The following TCF12 variants were observed in gnomAD, a reference collection of about 807,000 sequenced individuals.
The protein encoded by TCF12 is transcription factor 12.
TCF12 carries 45 observed loss-of-function variants against 86.0 expected under a neutral mutation model. The observed-to-expected ratio is 0.52, with a 90% CI of 0.41 to 0.67. TCF12 has a LOEUF of 0.67. Ranked by LOEUF, TCF12 falls within the 30% of genes least tolerant of loss-of-function variation. The pLI is 0.00. For missense variants in TCF12, 881 were observed against 859.9 expected (o/e 1.02, Z -0.31); for synonymous variants, 330 against 299.6 (o/e 1.10, Z -1.05).
intron 3 of TCF12, among the ~76,000 whole-genome samples, chr15:57,024,778 T>G (rs909998590): frequency 6.6e-6 from 1 of 152,174 alleles, no homozygotes; most frequent in Non-Finnish European, 1.5e-5. Context: ...TTTTATTACA[T>G]TAGCTCCACA....
intron 6 of TCF12, among the ~76,000 whole-genome samples, chr15:57,176,067 T>C (rs192444622): frequency 6.6e-6 from 1 of 152,306 alleles, no homozygotes; most frequent in African/African-American, 2.4e-5. Flanking sequence ...GGCATGGTGT[T>C]GCATGCCTGT....
At chr15:57,021,946 T>G (rs189928695) in intron 3 of TCF12, among the ~76,000 whole-genome samples, 619 of 152,258 alleles carry the variant, frequency 4.1e-3, no homozygotes, top group Non-Finnish European at 6.4e-3. Context: ...ATTTTGTGGG[T>G]TTGACCTATA....
At chr15:56,919,566 G>C (rs1021153960) in intron 1 of TCF12, 3 of 189,244 alleles carry the variant, frequency 1.6e-5, no homozygotes, top group South Asian at 1.6e-4. Flanking sequence ...CGGGCCCGGC[G>C]CGCGGAGCAC....
chr15:56,919,157 C>T (rs937208117), intron 1 of TCF12: 5 of 151,586 alleles, frequency 3.3e-5, no homozygotes, highest in African/African-American at 1.2e-4. Context: ...CGACTCGGGC[C>T]GGCGCCCAGG....
At chr15:57,253,197 G>A (rs2060197570) in intron 15 of TCF12, 65 bp from the exon 16 acceptor site, 5 of 1,554,346 alleles carry the variant, frequency 3.2e-6, no homozygotes, top group Middle Eastern at 1.7e-4. Context: ...AGTAGGAAAC[G>A]TAGCAGTTAA....
chr15:57,150,006 C>T (rs1293114496), intron 5 of TCF12, among the ~76,000 whole-genome samples: 1 of 152,090 alleles, frequency 6.6e-6, no homozygotes, highest in African/African-American at 2.4e-5. Context: ...GTAGGCACTC[C>T]ATGAGAGCAG....
At chr15:57,276,459 A>G (rs1388134794) in intron 19 of TCF12, among the ~76,000 whole-genome samples, 1 of 152,230 alleles carries the variant, frequency 6.6e-6, no homozygotes, top group Non-Finnish European at 1.5e-5. Context: ...CGAAAGCTGC[A>G]TGTAGGATAG....
chr15:57,133,006 T>C (rs1186535224), intron 5 of TCF12, among the ~76,000 whole-genome samples: 2 of 152,234 alleles, frequency 1.3e-5, no homozygotes, highest in Admixed American at 6.5e-5. Flanking sequence ...CATGGTCACC[T>C]AATTTTTATT....
intron 16 of TCF12, among the ~76,000 whole-genome samples, chr15:57,260,592 TAC>T (rs1226482480): frequency 1.3e-5 from 2 of 152,162 alleles, no homozygotes; most frequent in Non-Finnish European, 2.9e-5. Flanking sequence ...TAAATACAAA[TAC>T]ACCTCAGCTT....
At chr15:56,966,684 T>C (rs2140663715) in intron 3 of TCF12, among the ~76,000 whole-genome samples, 1 of 152,360 alleles carries the variant, frequency 6.6e-6, no homozygotes. Flanking sequence ...ACACTTTCAC[T>C]TATTTTTTTT....
intron 19 of TCF12, among the ~76,000 whole-genome samples, chr15:57,276,541 C>G (rs565191652): frequency 1.3e-5 from 2 of 152,266 alleles, no homozygotes; most frequent in South Asian, 2.1e-4. Context: ...GTGGTAAGAT[C>G]TAATCTTGTG....
chr15:57,104,180 A>G (rs1295250817), intron 5 of TCF12, among the ~76,000 whole-genome samples: 1 of 152,124 alleles, frequency 6.6e-6, no homozygotes, highest in Non-Finnish European at 1.5e-5. Context: ...ATCAGGAGAG[A>G]CACCGTATAT....
intron 6 of TCF12, among the ~76,000 whole-genome samples, chr15:57,181,591 C>G (rs191793745): frequency 3.9e-4 from 59 of 152,250 alleles, no homozygotes; most frequent in Admixed American, 1.7e-3. Flanking sequence ...CTACTTTATT[C>G]CTTTCATTTA....
At position 57,252,496 on chromosome 15, in the gene TCF12, C is replaced by T. The variant is rs781776814; in HGVS notation, c.1260+4C>T. On this transcript the variant is annotated splice_donor_region_variant and intron_variant, in intron 15 of 20. Transcript: ENST00000333725. ...CTTCTTAAAGGATGTCTGTGAGGTA[C>T]TATTTCTTTTAGATGGTGCCTTTTT... 6.2e-7 allele frequency: 1 copy of T among 1,612,770 alleles called. No individual in the cohort carries two copies. Among genetic ancestry groups the T allele is most frequent in the Non-Finnish European group, 8.5e-7 (1 of 1,179,028 alleles).
At chr15:57,036,711 G>A (rs1429833317) in intron 3 of TCF12, among the ~76,000 whole-genome samples, 5 of 152,050 alleles carry the variant, frequency 3.3e-5, no homozygotes, top group African/African-American at 9.7e-5. Flanking sequence ...AAAAATTACT[G>A]AGTTATATTT....
At chr15:56,918,348 GGCGCCACGGT>G (rs1567097481), upstream of TCF12, 1 of 438,864 alleles carries the variant, frequency 2.3e-6, no homozygotes, top group Admixed American at 2.4e-5. Context: ...AACGCGAGGA[GGCGCCACGGT>G]ACCTGCCACC....
intron 5 of TCF12, among the ~76,000 whole-genome samples, chr15:57,141,961 A>C (rs960777448): frequency 6.6e-6 from 1 of 152,162 alleles, no homozygotes; most frequent in African/African-American, 2.4e-5. Flanking sequence ...CACAAACGGG[A>C]GGAATAGTTT....
chr15:57,027,199 C>T lies in TCF12; in HGVS notation c.149-36551C>T, dbSNP rs546488620. Among the ~76,000 whole-genome samples, 41 of 152,234 alleles carry T rather than the reference C, an allele frequency of 2.7e-4. 1 individual carries two copies. The highest frequency in any genetic ancestry group is 1.2e-3 in the Admixed American group (19 of 15,298). On this transcript the variant is annotated intron_variant, in intron 3 of 20. Coordinates refer to ENST00000333725, the MANE Select transcript of TCF12 (RefSeq NM_207037.2). ...CAAGATAGGGACCATGTCCATCACT[C>T]CAGAAAGTACCCCCTTTCAGTTAGT...
chr15:56,920,483 C>T (rs1195214148), intron 2 of TCF12, among the ~76,000 whole-genome samples: 1 of 35,174 alleles, frequency 2.8e-5, no homozygotes, highest in Admixed American at 3.2e-4. Flanking sequence ...TATACACACA[C>T]ACACGTGTGT....
Sources: allele counts gnomAD v4.1 joint callset (sites outside exome capture counted in the v4.1 genomes callset), GRCh38; gene constraint gnomAD v4.1.1; transcripts MANE v1.5; gene names NCBI Gene and HGNC (gene_info 2026-07-23, HGNC 2026-07-21).